Variants in KCNMA1 observed in about 807,000 individuals in gnomAD.
KCNMA1 encodes potassium calcium-activated channel subfamily M alpha 1.
A neutral mutation model predicts 140.0 loss-of-function variants in KCNMA1; 29 were observed. The observed-to-expected ratio is 0.21, with a 90% CI of 0.15 to 0.28. The LOEUF (loss-of-function observed/expected upper bound fraction) is 0.28, where lower values mean the gene tolerates loss of function less well. Ranked by LOEUF, KCNMA1 falls within the 10% of genes least tolerant of loss-of-function variation. The pLI is 1.00. For synonymous variants in KCNMA1, 612 were observed against 611.9 expected, an observed-to-expected ratio of 1.00 and a Z score of 0.00; for missense variants, 880 against 1,602.2, an observed-to-expected ratio of 0.55 and a Z score of 7.70.
intron 1 of KCNMA1, among the ~76,000 whole-genome samples, chr10:77,616,633 C>G (rs2089613535): frequency 6.6e-6 from 1 of 151,976 alleles, no homozygotes; most frequent in Admixed American, 6.6e-5. Context: ...TGGTGAAACC[C>G]CGTCTCTACT....
chr10:76,897,416 T>C (rs1255089021), intron 25 of KCNMA1, among the ~76,000 whole-genome samples: 1 of 151,748 alleles, frequency 6.6e-6, no homozygotes, highest in African/African-American at 2.4e-5. Context: ...AAGTATAAAA[T>C]AAGGCTAGGC....
chr10:77,315,515 T>G (rs2080612263), intron 2 of KCNMA1: 1 of 152,136 alleles, frequency 6.6e-6, no homozygotes, highest in Non-Finnish European at 1.5e-5. Context: ...GAATGGTGAT[T>G]TTTTTCCCCC....
intron 1 of KCNMA1, among the ~76,000 whole-genome samples, chr10:77,539,689 G>A (rs1196459444): frequency 6.6e-6 from 1 of 152,156 alleles, no homozygotes; most frequent in African/African-American, 2.4e-5. Flanking sequence ...TCAGTCTGTG[G>A]GCCCTGGGCT....
chr10:77,116,903 G>A (rs1226359283), intron 6 of KCNMA1, among the ~76,000 whole-genome samples: 1 of 152,122 alleles, frequency 6.6e-6, no homozygotes, highest in Non-Finnish European at 1.5e-5. Context: ...TCCTTCAACA[G>A]CTCTCATTTG....
chr10:77,395,341 C>T (rs2096009340), intron 2 of KCNMA1, among the ~76,000 whole-genome samples: 1 of 151,932 alleles, frequency 6.6e-6, no homozygotes, highest in South Asian at 2.1e-4. Flanking sequence ...TAGAGTGAAA[C>T]CTTGTCTCTG....
chr10:77,396,368 A>C (rs2096056820), intron 2 of KCNMA1, among the ~76,000 whole-genome samples: 3 of 152,186 alleles, frequency 2.0e-5, no homozygotes, highest in African/African-American at 7.2e-5. Context: ...TGAATTTGCC[A>C]CCAGGCACCA....
At chr10:76,985,917 T>TA (rs1565373947) in intron 19 of KCNMA1, among the ~76,000 whole-genome samples, 1 of 151,936 alleles carries the variant, frequency 6.6e-6, no homozygotes, top group Admixed American at 6.6e-5. Flanking sequence ...ATCTCTAACA[T>TA]AAAAAAATAA....
chr10:76,887,736 TG>T (rs1283647944), intron 27 of KCNMA1: 8 of 581,682 alleles, frequency 1.4e-5, no homozygotes, highest in Non-Finnish European at 2.1e-5. Context: ...CAGGCAGAGA[TG>T]TGGAATTAGA....
chr10:77,157,206 C>T (rs1366321147), intron 5 of KCNMA1, among the ~76,000 whole-genome samples: 1 of 152,116 alleles, frequency 6.6e-6, no homozygotes, highest in Non-Finnish European at 1.5e-5. Flanking sequence ...CTATGGGAGG[C>T]TGAGGCAGGC....
At chr10:76,882,079 C>T (rs2034904850), downstream of KCNMA1, among the ~76,000 whole-genome samples, 1 of 152,268 alleles carries the variant, frequency 6.6e-6, no homozygotes, top group East Asian at 1.9e-4. Flanking sequence ...GGAATGGGCT[C>T]TTGCAGGGAA....
intron 2 of KCNMA1, among the ~76,000 whole-genome samples, chr10:77,337,908 A>G (rs10824530): frequency 0.23 from 35,635 of 152,126 alleles, 5,200 homozygotes; most frequent in Non-Finnish European, 0.33. Context: ...ATGGAAGGAC[A>G]TGTTAAAATG....
intron 5 of KCNMA1, chr10:77,147,921 G>C (rs1456572741): frequency 2.0e-5 from 3 of 152,158 alleles, no homozygotes; most frequent in African/African-American, 7.2e-5. Context: ...AGCAGGACAG[G>C]GCCCCCACCA....
intron 1 of KCNMA1, among the ~76,000 whole-genome samples, chr10:77,518,303 C>T (rs1410192046): frequency 1.3e-5 from 2 of 152,178 alleles, no homozygotes. Context: ...TATGAGGTCT[C>T]AAAGGAGAGA....
intron 2 of KCNMA1, among the ~76,000 whole-genome samples, chr10:77,268,547 G>C (rs1326493700): frequency 6.6e-6 from 1 of 152,100 alleles, no homozygotes; most frequent in South Asian, 2.1e-4. Flanking sequence ...GATGAAAACA[G>C]GGATCTCTAG....
chr10:77,397,666 G>A (rs903653922), intron 2 of KCNMA1, among the ~76,000 whole-genome samples: 4 of 152,160 alleles, frequency 2.6e-5, no homozygotes, highest in African/African-American at 9.7e-5. Flanking sequence ...TTTGTCACAT[G>A]GATATTTTGC....
chr10:77,163,377 C>A (rs903986028), intron 5 of KCNMA1, among the ~76,000 whole-genome samples: 2 of 152,190 alleles, frequency 1.3e-5, no homozygotes, highest in Non-Finnish European at 2.9e-5. Flanking sequence ...GATCATACAG[C>A]CCCTGAAGCC....
intron 5 of KCNMA1, among the ~76,000 whole-genome samples, chr10:77,135,999 T>G (rs980198194): frequency 6.6e-6 from 1 of 152,230 alleles, no homozygotes; most frequent in African/African-American, 2.4e-5. Flanking sequence ...CTGTATTTAT[T>G]CTACTTAATA....
At chr10:77,427,766 T>TTTAC (rs2097055357) in intron 1 of KCNMA1, among the ~76,000 whole-genome samples, 1 of 150,334 alleles carries the variant, frequency 6.7e-6, no homozygotes, top group East Asian at 2.0e-4. Context: ...TATTTATTTA[T>TTTAC]TGAGATGGAG....
At chr10:77,280,008 C>T (rs551928942) in intron 2 of KCNMA1, among the ~76,000 whole-genome samples, 9 of 152,192 alleles carry the variant, frequency 5.9e-5, no homozygotes, top group Non-Finnish European at 1.0e-4. Flanking sequence ...TGCCTCCCTT[C>T]GAACCCACAG....
Sources: allele counts gnomAD v4.1 joint callset (sites outside exome capture counted in the v4.1 genomes callset), GRCh38; gene constraint gnomAD v4.1.1; transcripts MANE v1.5; gene names NCBI Gene and HGNC (gene_info 2026-07-23, HGNC 2026-07-21).